The following PDE1A variants were observed in gnomAD, a reference collection of about 807,000 sequenced individuals.
The protein encoded by PDE1A is phosphodiesterase 1A.
PDE1A carries 35 observed loss-of-function variants against 61.7 expected under a neutral mutation model. The observed-to-expected ratio is 0.57, with a 90% CI of 0.43 to 0.75. The LOEUF is 0.75. Among genes scored for constraint, PDE1A ranks in the 30% least tolerant of loss-of-function variants. The pLI is 0.00. For synonymous variants in PDE1A, 232 were observed against 213.2 expected, an observed-to-expected ratio of 1.09 and a Z score of -0.77; for missense variants, 597 against 630.6, an observed-to-expected ratio of 0.95 and a Z score of 0.57.
chr2:182,526,196 C>T (rs550719245), upstream of PDE1A, among the ~76,000 whole-genome samples: 34 of 152,174 alleles, frequency 2.2e-4, no homozygotes, highest in Middle Eastern at 3.4e-3. Context: ...TGAACAATAT[C>T]GCAGACTAAG....
At chr2:182,461,333 C>T (rs747694746) in intron 2 of PDE1A, among the ~76,000 whole-genome samples, 4 of 151,946 alleles carry the variant, frequency 2.6e-5, no homozygotes, top group East Asian at 1.9e-4. Context: ...TTGTTTCCAT[C>T]GAAAAATTTT....
At chr2:182,635,597 A>T in the PDE1A span, among the ~76,000 whole-genome samples, 5 of 152,072 alleles carry the variant, frequency 3.3e-5, no homozygotes, top group South Asian at 1.0e-3. Flanking sequence ...CTAGCTTATC[A>T]CCAGCTGTTC....
intron 2 of PDE1A, among the ~76,000 whole-genome samples, chr2:182,489,929 C>A (rs1174951654): frequency 1.3e-5 from 2 of 152,108 alleles, no homozygotes; most frequent in African/African-American, 2.4e-5. Flanking sequence ...GGCAGTAGCA[C>A]AGATAAAGAC....
chr2:182,293,099 C>G (rs562896238), intron 1 of PDE1A, among the ~76,000 whole-genome samples: 1 of 151,986 alleles, frequency 6.6e-6, no homozygotes, highest in South Asian at 2.1e-4. Flanking sequence ...GATTTAGAAC[C>G]TTTCCATTCA....
chr2:182,441,925 A>G (rs79048948), intron 2 of PDE1A, among the ~76,000 whole-genome samples: 24,988 of 152,034 alleles, frequency 0.16, 2,395 homozygotes, highest in Middle Eastern at 0.32. Flanking sequence ...AAATGAATGA[A>G]TACATTAGGA....
the PDE1A span, among the ~76,000 whole-genome samples, chr2:182,658,220 G>C: frequency 6.6e-6 from 1 of 152,120 alleles, no homozygotes. Flanking sequence ...AATCAGCAAG[G>C]CTGGTTTCCT....
the PDE1A span, among the ~76,000 whole-genome samples, chr2:182,649,260 T>C: frequency 2.0e-5 from 3 of 152,288 alleles, no homozygotes; most frequent in Middle Eastern, 3.4e-3. Context: ...AGCAGCTTTG[T>C]GCAACATAAG....
At position 182,251,678 on chromosome 2, in the gene PDE1A, G is replaced by A. The variant is rs563728944; in HGVS notation, c.168-11386C>T. ...TGGAAGCTCTATACCAAGAAAATAC[G>A]ATTTACTTATTTTCTATGACATGTG... On this transcript the variant is annotated intron_variant, in intron 2 of 13. Transcript: ENST00000351439. 3.9e-5 allele frequency among the ~76,000 whole-genome samples: 6 copies of A among 152,150 alleles called. No individual in the cohort carries two copies. The South Asian group carries it at 6.2e-4, about 16-fold the overall frequency.
intron 1 of PDE1A, among the ~76,000 whole-genome samples, chr2:182,308,630 C>T (rs1364810231): frequency 6.6e-6 from 1 of 151,976 alleles, no homozygotes. Context: ...TTTGGTCAAG[C>T]ATAGTTTTTT....
the PDE1A span, among the ~76,000 whole-genome samples, chr2:182,644,060 T>C: frequency 1.1e-4 from 16 of 151,338 alleles, no homozygotes; most frequent in African/African-American, 3.6e-4. Flanking sequence ...AGTGAGTTGA[T>C]GCTCTTCATA....
chr2:182,466,322 TA>T (rs1338379194), intron 2 of PDE1A, among the ~76,000 whole-genome samples: 13 of 152,042 alleles, frequency 8.6e-5, no homozygotes, highest in Admixed American at 7.2e-4. Context: ...CTCATCAGAC[TA>T]AAATCAAACT....
chr2:182,190,218 A>G (rs908720562), intron 10 of PDE1A, among the ~76,000 whole-genome samples: 1 of 152,230 alleles, frequency 6.6e-6, no homozygotes, highest in African/African-American at 2.4e-5. Context: ...GCCATCAAAG[A>G]AGTAGGAAAA....
At chr2:182,657,084 T>A in the PDE1A span, among the ~76,000 whole-genome samples, 2 of 151,998 alleles carry the variant, frequency 1.3e-5, no homozygotes, top group African/African-American at 4.8e-5. Flanking sequence ...TTAGCTTGGC[T>A]TGGTGGTGCA....
chr2:182,151,938 A>G (rs1336185261), intron 13 of PDE1A, among the ~76,000 whole-genome samples: 1 of 152,208 alleles, frequency 6.6e-6, no homozygotes, highest in East Asian at 1.9e-4. Flanking sequence ...GACTATTCCA[A>G]CGCAAAATAG....
At chr2:182,412,123 T>C (rs565423138) in intron 1 of PDE1A, among the ~76,000 whole-genome samples, 86 of 152,230 alleles carry the variant, frequency 5.6e-4, no homozygotes, top group African/African-American at 2.1e-3. Context: ...AATTCTGCTT[T>C]AAACTCTCAC....
the PDE1A span, among the ~76,000 whole-genome samples, chr2:182,540,244 A>G: frequency 6.6e-6 from 1 of 151,632 alleles, no homozygotes; most frequent in African/African-American, 2.4e-5. Flanking sequence ...GGCCCCTGTA[A>G]TCCCAGCTAC....
At chr2:182,587,120 T>C in the PDE1A span, among the ~76,000 whole-genome samples, 1 of 152,144 alleles carries the variant, frequency 6.6e-6, no homozygotes. Flanking sequence ...AGAGACCAAG[T>C]AGGCAAATGC....
intron 2 of PDE1A, among the ~76,000 whole-genome samples, chr2:182,257,057 C>T (rs1365461715): frequency 6.6e-6 from 1 of 152,208 alleles, no homozygotes; most frequent in Non-Finnish European, 1.5e-5. Flanking sequence ...ATTTGATTTA[C>T]CCTTTTCAGT....
the PDE1A span, among the ~76,000 whole-genome samples, chr2:182,650,450 C>T: frequency 1.1e-4 from 16 of 152,120 alleles, no homozygotes; most frequent in African/African-American, 3.9e-4. Flanking sequence ...ACTTAAGGAA[C>T]ATTCAGTTAG....
Sources: gnomAD v4.1 joint callset for allele counts (sites outside exome capture counted in the v4.1 genomes callset) on GRCh38, gnomAD v4.1.1 for gene constraint, MANE v1.5 for transcripts, NCBI Gene and HGNC (gene_info 2026-07-23, HGNC 2026-07-21) for gene names.